The following RNF8 variants were observed in gnomAD, a reference collection of about 807,000 sequenced individuals.
RNF8 encodes ring finger protein 8.
RNF8 carries 8 observed loss-of-function variants against 59.3 expected under a neutral mutation model. The ratio of observed to expected loss-of-function variants is 0.13; its 90% CI spans 0.08 to 0.24. The LOEUF is 0.24. RNF8 is among the 10% of genes least tolerant of loss of function. RNF8 has a pLI of 1.00. For synonymous variants in RNF8, 162 were observed against 200.0 expected, an observed-to-expected ratio of 0.81 and a Z score of 1.60; for missense variants, 406 against 572.6, an observed-to-expected ratio of 0.71 and a Z score of 2.97.
intron 7 of RNF8, among the ~76,000 whole-genome samples, chr6:37,389,530 A>G (rs1770644155): frequency 1.3e-5 from 2 of 152,112 alleles, no homozygotes; most frequent in Admixed American, 1.3e-4. Flanking sequence ...AGCATGTTCC[A>G]TTGCAGATTG....
chr6:37,362,317 A>T (rs892715160), intron 2 of RNF8, among the ~76,000 whole-genome samples: 4 of 152,176 alleles, frequency 2.6e-5, no homozygotes, highest in Non-Finnish European at 4.4e-5. Context: ...AACCACAGGG[A>T]TACAGAGGCA....
At chr6:37,382,455 A>G (rs1201046296) in intron 7 of RNF8, among the ~76,000 whole-genome samples, 1 of 152,118 alleles carries the variant, frequency 6.6e-6, no homozygotes, top group Non-Finnish European at 1.5e-5. Context: ...TATTCACATG[A>G]TGTCAAGGCT....
chr6:37,361,736 C>T (rs1306339147), intron 2 of RNF8, among the ~76,000 whole-genome samples: 1 of 152,186 alleles, frequency 6.6e-6, no homozygotes, highest in South Asian at 2.1e-4. Flanking sequence ...TAGATTTAAG[C>T]TGTTGGAAAG....
chr6:37,377,147 A>C, intron 6 of RNF8, 114 bp downstream of exon 6: 1 of 584,450 alleles, frequency 1.7e-6, no homozygotes, highest in East Asian at 2.9e-5. Flanking sequence ...ATCTCGGCTC[A>C]CTGCAACCTC....
rs969813259 is a variant in RNF8 at position 37,394,333 on chromosome 6, TGAG to T, written c.*3577_*3579del. Reference sequence around the variant, plus strand: ...TTCAGCTTCTCCAACAAATGGGAGTTGAGGCAGTAGGAGTGTGGGGTTCTTGGG... The same window carrying T: ...TTCAGCTTCTCCAACAAATGGGAGTTGCAGTAGGAGTGTGGGGTTCTTGGG... On this transcript the variant is annotated 3_prime_UTR_variant, in exon 8 of 8. Coordinates refer to ENST00000373479, the MANE Select transcript of RNF8 (RefSeq NM_003958.4). The T allele has an allele frequency of 6.6e-6, 1 of 152,208 alleles. No individual in the cohort carries two copies. The highest frequency in any genetic ancestry group is 1.5e-5 in the Non-Finnish European group (1 of 68,042). The allele number at this position is 152,208 out of a possible 1,614,324, so 9.4% of individuals were successfully genotyped here.
rs189666877 is a variant in RNF8, at chr6:37,360,975, C to T, written c.240+401C>T. Among the ~76,000 whole-genome samples, 1 of 152,114 alleles carries T rather than the reference C, an allele frequency of 6.6e-6. No individual in the cohort carries two copies. The highest frequency in any genetic ancestry group is 1.9e-4 in the East Asian group (1 of 5,200). ...GAGGAGGGAGAAACTGATCTGATTG[C>T]GCTTAGCTCCTTTCCTTCCTCACTC... On this transcript the variant is annotated intron_variant, in intron 2 of 7. Transcript: ENST00000373479. The surrounding 1 kb of genome is among the most constrained non-coding windows in gnomAD (Gnocchi z 4.2).
At chr6:37,390,602 A>G (rs1770689208) in intron 7 of RNF8, 140 bp from the exon 8 acceptor site, 1 of 628,790 alleles carries the variant, frequency 1.6e-6, no homozygotes, top group Admixed American at 2.7e-5. Context: ...GCAGAGAGTG[A>G]CATGATCTGA....
intron 6 of RNF8, 28 bp downstream of exon 6, chr6:37,377,061 CTT>C (rs35985063): frequency 0.053 from 13,474 of 251,906 alleles, no homozygotes; most frequent in South Asian, 0.08. Flanking sequence ...CTCACCCCTT[CTT>C]TTTTTTTTTT....
intron 6 of RNF8, among the ~76,000 whole-genome samples, chr6:37,379,638 A>G (rs1294719540): frequency 6.6e-6 from 1 of 152,194 alleles, no homozygotes; most frequent in Non-Finnish European, 1.5e-5. Context: ...CTTCATTGGC[A>G]CATTACTTAG....
chr6:37,387,632 A>G (rs773993901), intron 7 of RNF8, among the ~76,000 whole-genome samples: 1 of 152,070 alleles, frequency 6.6e-6, no homozygotes, highest in Non-Finnish European at 1.5e-5. Flanking sequence ...ATGCGCCACC[A>G]CGCCCAGTCC....
chr6:37,354,427 T>G, intron 1 of RNF8, 152 bp downstream of exon 1: 1 of 625,204 alleles, frequency 1.6e-6, no homozygotes, highest in Non-Finnish European at 2.7e-6. Flanking sequence ...GGGGGTGGAT[T>G]CCTGGGGAGA....
intron 2 of RNF8, among the ~76,000 whole-genome samples, chr6:37,362,628 T>C (rs1305408834): frequency 6.6e-6 from 1 of 152,220 alleles, no homozygotes; most frequent in Non-Finnish European, 1.5e-5. Flanking sequence ...CTTTCTGGCT[T>C]CCTCCTGGCA....
intron 4 of RNF8, among the ~76,000 whole-genome samples, chr6:37,373,800 C>CT (rs1007055327): frequency 8.6e-5 from 13 of 151,932 alleles, no homozygotes; most frequent in Non-Finnish European, 1.5e-4. Context: ...GACATAACTG[C>CT]TTTTTTTTGT....
At chr6:37,380,697 C>T (rs1770222472) in intron 6 of RNF8, among the ~76,000 whole-genome samples, 1 of 151,758 alleles carries the variant, frequency 6.6e-6, no homozygotes, top group African/African-American at 2.4e-5. Context: ...ATTCCCCAAC[C>T]CTAAAAACGA....
chr6:37,364,352 G>T (rs1769462007), intron 2 of RNF8, among the ~76,000 whole-genome samples: 1 of 152,018 alleles, frequency 6.6e-6, no homozygotes, highest in Non-Finnish European at 1.5e-5. Flanking sequence ...GACACACAGG[G>T]GTTTCTGGGA....
Position 37,377,024 on chromosome 6 carries a change from C to A in RNF8, c.1227C>A (p.Tyr409Ter). The A allele has an allele frequency of 4.2e-6, 4 of 960,636 alleles. No individual in the cohort carries two copies. The highest frequency in any genetic ancestry group is 6.4e-6 in the Non-Finnish European group (4 of 623,222). The allele number at this position is 960,636 out of a possible 1,614,324, so 59.5% of individuals were successfully genotyped here. A position where few individuals can be genotyped will look rare whatever the true frequency, so the allele number is the denominator to read the frequency against. Residue 409 changes from tyrosine to a stop codon, truncating the protein, a stop_gained, in exon 6 of 8, where the codon TAC (tyrosine) becomes TAA (stop). Transcript: ENST00000373479. LOFTEE classifies it high-confidence loss of function. ...NELQCIICSE[Y>*]FIEAVTLNCA... is the part of the protein sequence containing the mutation. ...TCCAATGTATTATTTGTTCAGAATA[C>A]TTCATTGAGGTAATTATGAACAGTT...
At chr6:37,365,068 C>T (rs1351707082) in intron 2 of RNF8, among the ~76,000 whole-genome samples, 2 of 152,150 alleles carry the variant, frequency 1.3e-5, no homozygotes, top group African/African-American at 2.4e-5. Flanking sequence ...CACACCTGGC[C>T]TGTAGTGGCT....
Position 37,390,847 on chromosome 6 carries a change from C to T in RNF8, c.*89C>T, listed in dbSNP as rs965766033. On this transcript the variant is annotated 3_prime_UTR_variant, in exon 8 of 8. Transcript: ENST00000373479. ...ATTCTCTCTAGCCGTGACTCCGCTG[C>T]TCTGAAGGTCAACTGAGAAGTCTTG... 6.2e-7 allele frequency: 1 copy of T among 1,611,564 alleles called. No homozygotes were observed. Among genetic ancestry groups the T allele is most frequent in the Non-Finnish European group, 8.5e-7 (1 of 1,177,820 alleles).
intron 3 of RNF8, among the ~76,000 whole-genome samples, chr6:37,371,298 C>T (rs575303924): frequency 6.6e-6 from 1 of 152,202 alleles, no homozygotes; most frequent in East Asian, 1.9e-4. Flanking sequence ...GGCTTAAAGC[C>T]GACAGTCCTG....
Sources: allele counts gnomAD v4.1 joint callset (sites outside exome capture counted in the v4.1 genomes callset), GRCh38; gene constraint gnomAD v4.1.1; non-coding constraint Gnocchi (gnomAD v3.1); transcripts MANE v1.5; gene names NCBI Gene and HGNC (gene_info 2026-07-23, HGNC 2026-07-21).